LOC400499: variants seen among roughly 807,000 people sequenced by gnomAD.
At chr16:11,502,204 G>A in the LOC400499 span, 18 of 398,932 alleles carry the variant, frequency 4.5e-5, no homozygotes, top group Non-Finnish European at 6.6e-5. Flanking sequence ...GGGGCAGCAT[G>A]AGACACCCAG....
the LOC400499 span, chr16:11,450,503 T>G: frequency 2.8e-5 from 31 of 1,107,192 alleles, no homozygotes; most frequent in African/African-American, 4.6e-5. Context: ...CACACACCTG[T>G]GAGCTGCTAT....
chr16:11,383,040 G>T, the LOC400499 span, among the ~76,000 whole-genome samples: 1 of 151,150 alleles, frequency 6.6e-6, no homozygotes, highest in African/African-American at 2.5e-5. Flanking sequence ...ATGGCAGGAG[G>T]AGAGAGTACA....
chr16:11,455,421 T>C, the LOC400499 span, among the ~76,000 whole-genome samples: 2 of 152,124 alleles, frequency 1.3e-5, no homozygotes, highest in Admixed American at 6.5e-5. Flanking sequence ...GAATTTAGCG[T>C]GCTTACTGTT....
the LOC400499 span, among the ~76,000 whole-genome samples, chr16:11,445,144 G>C: frequency 1.3e-5 from 2 of 151,342 alleles, no homozygotes. Flanking sequence ...GAAAGCTATA[G>C]GGCAAGCTGG....
chr16:11,397,250 C>T, the LOC400499 span, among the ~76,000 whole-genome samples: 3 of 152,220 alleles, frequency 2.0e-5, no homozygotes, highest in Middle Eastern at 3.4e-3. Context: ...GGTTTGGGGC[C>T]GAATCTGGCT....
At chr16:11,419,577 C>T in the LOC400499 span, among the ~76,000 whole-genome samples, 2 of 152,096 alleles carry the variant, frequency 1.3e-5, no homozygotes, top group Admixed American at 6.6e-5. Flanking sequence ...AAAGCAATGG[C>T]GACAAAAGCC....
At chr16:11,468,212 T>C in the LOC400499 span, among the ~76,000 whole-genome samples, 6 of 152,368 alleles carry the variant, frequency 3.9e-5, no homozygotes, top group African/African-American at 1.4e-4. Flanking sequence ...TAGCGTACTT[T>C]GTTAAGGCAG....
chr16:11,424,259 C>T, the LOC400499 span: 2 of 399,166 alleles, frequency 5.0e-6, no homozygotes, highest in Non-Finnish European at 4.4e-6. Flanking sequence ...CTAGCTGAGC[C>T]CCCGCGTTCC....
At chr16:11,412,358 C>T in the LOC400499 span, among the ~76,000 whole-genome samples, 2 of 152,346 alleles carry the variant, frequency 1.3e-5, no homozygotes, top group East Asian at 1.9e-4. Context: ...CTCCTCCCCA[C>T]TGTAGCAACC....
chr16:11,513,808 T>A, the LOC400499 span, among the ~76,000 whole-genome samples: 1 of 152,148 alleles, frequency 6.6e-6, no homozygotes, highest in Non-Finnish European at 1.5e-5. Context: ...TAAATACACA[T>A]AAAGTGCTCA....
the LOC400499 span, chr16:11,383,705 C>A: frequency 8.1e-7 from 1 of 1,232,478 alleles, no homozygotes; most frequent in East Asian, 3.2e-5. Flanking sequence ...TAGGCGGCCG[C>A]CAGGTTGCAG....
the LOC400499 span, among the ~76,000 whole-genome samples, chr16:11,522,307 G>C: frequency 6.6e-6 from 1 of 152,184 alleles, no homozygotes; most frequent in South Asian, 2.1e-4. Flanking sequence ...GATAATAACA[G>C]TAAGTGCTCA....
the LOC400499 span, among the ~76,000 whole-genome samples, chr16:11,420,844 G>A: frequency 2.0e-5 from 3 of 152,102 alleles, no homozygotes; most frequent in Non-Finnish European, 2.9e-5. Flanking sequence ...CGCCCTCCCC[G>A]ATTATGCCTG....
the LOC400499 span, chr16:11,446,865 C>T: frequency 1.3e-6 from 2 of 1,535,964 alleles, no homozygotes; most frequent in Admixed American, 3.9e-5. Flanking sequence ...CTGTGAAGGT[C>T]TCCTGCAGGA....
At chr16:11,517,499 G>C in the LOC400499 span, among the ~76,000 whole-genome samples, 6 of 152,218 alleles carry the variant, frequency 3.9e-5, no homozygotes, top group Non-Finnish European at 8.8e-5. Context: ...TGAGGAAACA[G>C]GCTCGGAGCA....
At chr16:11,393,546 T>G in the LOC400499 span, 1 of 1,232,460 alleles carries the variant, frequency 8.1e-7, no homozygotes, top group Non-Finnish European at 1.0e-6. Context: ...CCGCTGAGCC[T>G]TGGAGCCACG....
chr16:11,487,742 T>C, the LOC400499 span, among the ~76,000 whole-genome samples: 190 of 146,290 alleles, frequency 1.3e-3, 2 homozygotes, highest in Non-Finnish European at 4.9e-4. Flanking sequence ...GTGGGGCTAA[T>C]CTCTTTTCTT....
chr16:11,467,600 A>T, the LOC400499 span, among the ~76,000 whole-genome samples: 1 of 152,186 alleles, frequency 6.6e-6, no homozygotes, highest in African/African-American at 2.4e-5. Flanking sequence ...TGACAGAGCA[A>T]GACCCTGCCT....
chr16:11,391,673 C>T, the LOC400499 span: 1 of 1,232,226 alleles, frequency 8.1e-7, no homozygotes, highest in Non-Finnish European at 1.0e-6. Flanking sequence ...TACATTCCAG[C>T]TCCTCCCGCA....
Sources: gnomAD v4.1 joint callset for allele counts (sites outside exome capture counted in the v4.1 genomes callset) on GRCh38, gnomAD v4.1.1 for gene constraint, MANE v1.5 for transcripts.